The following BLZF1 variants were observed in gnomAD, a reference collection of about 807,000 sequenced individuals.
BLZF1 encodes the protein basic leucine zipper nuclear factor 1, also known as golgin-45.
In BLZF1, 39 loss-of-function variants were observed where a neutral mutation model predicts 43.8. That is an observed-to-expected ratio of 0.89 (90% CI 0.69 to 1.16). The LOEUF (loss-of-function observed/expected upper bound fraction) is 1.16, where lower values mean the gene tolerates loss of function less well. BLZF1 is among the 50% of genes most tolerant of loss of function. The pLI, the probability that BLZF1 is intolerant of heterozygous loss-of-function variation, is 0.00. For synonymous variants in BLZF1, 136 were observed against 159.4 expected (o/e 0.85, Z 1.11); for missense variants, 449 against 469.8 (o/e 0.96, Z 0.41).
intron 2 of BLZF1, 116 bp downstream of exon 2, chr1:169,369,666 G>C: frequency 1.4e-6 from 1 of 706,812 alleles, no homozygotes; most frequent in Non-Finnish European, 2.4e-6. Flanking sequence ...TGTTATTTCA[G>C]ATCCCTTTAT....
chr1:169,381,993 T>C, intron 5 of BLZF1, 69 bp from the exon 6 acceptor site: 1 of 1,095,354 alleles, frequency 9.1e-7, no homozygotes, highest in Non-Finnish European at 1.3e-6. Context: ...TTGTATTACC[T>C]ATTTACTATT....
chr1:169,377,955 T>G (rs1446476120), intron 3 of BLZF1, among the ~76,000 whole-genome samples: 1 of 152,058 alleles, frequency 6.6e-6, no homozygotes, highest in African/African-American at 2.4e-5. Context: ...ATACACTAAC[T>G]TATAAATGTT....
At chr1:169,389,153 G>A (rs1294521996), downstream of BLZF1, among the ~76,000 whole-genome samples, 3 of 150,470 alleles carry the variant, frequency 2.0e-5, no homozygotes, top group African/African-American at 7.4e-5. Context: ...AATAAGCCGT[G>A]TGTGGTAGTG....
chr1:169,372,944 T>C (rs1386534382), intron 2 of BLZF1, among the ~76,000 whole-genome samples: 1 of 152,176 alleles, frequency 6.6e-6, no homozygotes, highest in Non-Finnish European at 1.5e-5. Flanking sequence ...AAAAAAAATC[T>C]GTTCTTCCCA....
At chr1:169,369,619 A>G (rs1299881651) in intron 2 of BLZF1, 69 bp downstream of exon 2, 5 of 1,209,050 alleles carry the variant, frequency 4.1e-6, no homozygotes, top group Non-Finnish European at 6.0e-6. Context: ...CGTTTGAGCC[A>G]GATAACTAGA....
chr1:169,379,840 G>C (rs1316195358), intron 4 of BLZF1, among the ~76,000 whole-genome samples: 1 of 151,984 alleles, frequency 6.6e-6, no homozygotes, highest in African/African-American at 2.4e-5. Flanking sequence ...AGCTGTATAT[G>C]TGCTAATATG....
At chr1:169,373,605 A>T (rs1047673394) in intron 2 of BLZF1, among the ~76,000 whole-genome samples, 1 of 152,216 alleles carries the variant, frequency 6.6e-6, no homozygotes, top group African/African-American at 2.4e-5. Flanking sequence ...GTAATATATA[A>T]TACAACTTTG....
At chr1:169,369,640 C>T in intron 2 of BLZF1, 90 bp downstream of exon 2, 2 of 890,748 alleles carry the variant, frequency 2.2e-6, no homozygotes, top group Non-Finnish European at 3.5e-6. Context: ...TCTCATGGAC[C>T]CCCTTGGGAA....
chr1:169,393,107 T>G (rs769406295), downstream of BLZF1, among the ~76,000 whole-genome samples: 4 of 152,124 alleles, frequency 2.6e-5, no homozygotes, highest in African/African-American at 7.2e-5. Flanking sequence ...TTAACTCTGG[T>G]TAGCGTCAGA....
chr1:169,378,447 C>T lies in BLZF1; in HGVS notation c.586C>T (p.Arg196Ter), dbSNP rs1343636472. 1.2e-6 allele frequency: 2 copies of T among 1,612,714 alleles called. No individual in the cohort carries two copies. The highest frequency in any genetic ancestry group is 1.7e-5 in the Admixed American group (1 of 59,882). The change falls in exon 4 of 7, where the codon CGA (arginine) becomes TGA (stop). Residue 196 changes from arginine to a stop codon, truncating the protein, a stop_gained. Transcript: ENST00000367808. LOFTEE classifies it high-confidence loss of function. ...TATTTTAGAAAATGAAGCCCTAGGT[C>T]GAAACACAGCTCAGCTTTCTGAACA... is the stretch of plus-strand genomic sequence containing the variant. ...QLILENEALG[R>*]NTAQLSEQLE...
chr1:169,369,451 T>C, intron 1 of BLZF1, 22 bp from the exon 2 acceptor site: 2 of 1,282,102 alleles, frequency 1.6e-6, no homozygotes, highest in South Asian at 1.4e-5. Flanking sequence ...TTTAAAATTA[T>C]TTCATATGCA....
intron 6 of BLZF1, among the ~76,000 whole-genome samples, chr1:169,386,438 G>T (rs777068627): frequency 6.6e-6 from 1 of 152,008 alleles, no homozygotes; most frequent in Non-Finnish European, 1.5e-5. Context: ...CTGACCTCCT[G>T]GGGGGCCGAG....
rs780284159 is a variant in BLZF1 at position 169,378,326 on chromosome 1, C to T, written c.469-4C>T. The T allele has an allele frequency of 4.8e-5, 77 of 1,611,620 alleles. No homozygotes were observed. The highest frequency in any genetic ancestry group is 6.5e-5 in the Non-Finnish European group (77 of 1,178,176). Reference sequence around the variant, plus strand: ...CTTGTTGTATTGATTACGTTCTCTTCTAGGTAAATCGTGAGTTAAAAAAGT... The same window carrying T: ...CTTGTTGTATTGATTACGTTCTCTTTTAGGTAAATCGTGAGTTAAAAAAGT... On this transcript the variant is annotated splice_region_variant and splice_polypyrimidine_tract_variant and intron_variant, in intron 3 of 6. Coordinates refer to ENST00000367808, the MANE Select transcript of BLZF1 (RefSeq NM_001320973.2).
downstream of BLZF1, among the ~76,000 whole-genome samples, chr1:169,389,320 T>G (rs949311522): frequency 1.3e-5 from 2 of 151,578 alleles, no homozygotes; most frequent in African/African-American, 4.9e-5. Flanking sequence ...CAAAAAAAAT[T>G]AGCAAAGGAC....
chr1:169,379,129 A>G (rs1367509167), intron 4 of BLZF1, among the ~76,000 whole-genome samples: 1 of 151,984 alleles, frequency 6.6e-6, no homozygotes, highest in Non-Finnish European at 1.5e-5. Flanking sequence ...ACTGATAGTT[A>G]CTAGATAACA....
Position 169,382,183 on chromosome 1 carries a change from A to C in BLZF1, c.919A>C (p.Asn307His). The C allele has an allele frequency of 3.7e-6, 6 of 1,613,886 alleles. No homozygotes were observed. The highest frequency in any genetic ancestry group is 5.1e-6 in the Non-Finnish European group (6 of 1,179,810). ...LTNHKLAKAV[N>H]SHLLGNVGIN... ...AAATCACAAGTTGGCAAAAGCAGTA[A>C]ATTCTCATCTTCTGGGAAATGTTGG... Residue 307 changes from asparagine to histidine, a missense_variant, in exon 6 of 7, where the codon AAT (asparagine) becomes CAT (histidine). Physicochemically the swap from Asn to His is moderately conservative, Grantham distance 68 (BLOSUM62 1). Transcript: ENST00000367808.
chr1:169,388,663 C>T (rs1208288496), downstream of BLZF1, among the ~76,000 whole-genome samples: 2 of 152,142 alleles, frequency 1.3e-5, no homozygotes, highest in Non-Finnish European at 2.9e-5. Context: ...ACTCCTACAA[C>T]TCAACCACCA....
intron 7 of BLZF1, among the ~76,000 whole-genome samples, chr1:169,393,790 C>T (rs966509528): frequency 1.3e-5 from 2 of 151,894 alleles, no homozygotes; most frequent in Non-Finnish European, 2.9e-5. Context: ...TTAGTAGAGA[C>T]GGGGTTTCGC....
intron 7 of BLZF1, chr1:169,394,891 AT>A: frequency 1.6e-6 from 1 of 618,794 alleles, no homozygotes; most frequent in East Asian, 3.1e-5. Flanking sequence ...TGAGAAAAAA[AT>A]TTATTTTGTT....
Sources: allele counts gnomAD v4.1 joint callset (sites outside exome capture counted in the v4.1 genomes callset), GRCh38; gene constraint gnomAD v4.1.1; transcripts MANE v1.5; gene names NCBI Gene and HGNC (gene_info 2026-07-23, HGNC 2026-07-21).